The following BANF2 variants were observed in gnomAD, a reference collection of about 807,000 sequenced individuals.
BANF2 encodes the protein barrier-to-autointegration factor-like protein.
A neutral mutation model predicts 8.0 loss-of-function variants in BANF2; 4 were observed. The ratio of observed to expected loss-of-function variants is 0.50; its 90% confidence interval spans 0.25 to 1.14. The LOEUF is 1.14. BANF2 is among the 50% of genes most tolerant of loss of function. The pLI is 0.16. For missense variants in BANF2, 96 were observed against 107.5 expected (o/e 0.89, Z 0.47); for synonymous variants, 50 against 40.6 (o/e 1.23, Z -0.88).
intron 1 of BANF2, among the ~76,000 whole-genome samples, chr20:17,714,224 A>G (rs1419541546): frequency 1.7e-4 from 26 of 151,548 alleles, no homozygotes; most frequent in African/African-American, 6.3e-4. Flanking sequence ...AGAAAGAAAG[A>G]AAGAAAAAGA....
At chr20:17,710,353 G>A (rs2037550828) in intron 1 of BANF2, among the ~76,000 whole-genome samples, 1 of 152,194 alleles carries the variant, frequency 6.6e-6, no homozygotes, top group African/African-American at 2.4e-5. Flanking sequence ...GCTCATCACT[G>A]CCTTTTACTA....
chr20:17,697,147 A>G (rs562088221), upstream of BANF2, among the ~76,000 whole-genome samples: 1 of 152,264 alleles, frequency 6.6e-6, no homozygotes, highest in Non-Finnish European at 1.5e-5. Flanking sequence ...GCCAGCAGAT[A>G]TCCCTAGCGA....
chr20:17,727,937 T>A (rs909779760), intron 3 of BANF2, among the ~76,000 whole-genome samples: 1 of 152,138 alleles, frequency 6.6e-6, no homozygotes, highest in African/African-American at 2.4e-5. Flanking sequence ...GACACAGTTT[T>A]GCCATGTTGT....
intron 1 of BANF2, among the ~76,000 whole-genome samples, chr20:17,709,075 GCTTTGAAT>G (rs567734503): frequency 6.6e-5 from 10 of 152,240 alleles, no homozygotes; most frequent in African/African-American, 9.6e-5. Flanking sequence ...TGAGAATGTG[GCTTTGAAT>G]GGAGACAAAT....
At position 17,721,035 on chromosome 20, in the gene BANF2, A is replaced by G. The variant is rs1490797792; in HGVS notation, c.-166-1681A>G. On this transcript the variant is annotated intron_variant, in intron 1 of 3. Transcript: ENST00000246090. ...TCAACTTTGAGAAGTGCTAGTTGTA[A>G]TGAACCAAACATTAGACCAGGGTTT... 4.3e-4 allele frequency among the ~76,000 whole-genome samples: 65 copies of G among 152,212 alleles called. 1 individual carries two copies. The highest frequency in any genetic ancestry group is 2.9e-5 in the Non-Finnish European group (2 of 68,038).
chr20:17,703,679 A>G lies in BANF2; in HGVS notation c.-167+3624A>G, dbSNP rs563414466. Among the ~76,000 whole-genome samples the G allele has an allele frequency of 2.5e-4, 38 of 150,412 alleles. No homozygotes were observed. In the South Asian group the frequency reaches 8.0e-3, roughly 32 times the overall value. ...GGGACTTTTGGGCTCTCCAAGAAAC[A>G]TCTCTATGCGGTTTGTCTGGGTTTT... is the stretch of plus-strand genomic sequence containing the variant. On this transcript the variant is annotated intron_variant, in intron 1 of 3. Transcript: ENST00000246090.
At chr20:17,728,054 G>A (rs1294397782) in intron 3 of BANF2, among the ~76,000 whole-genome samples, 1 of 152,122 alleles carries the variant, frequency 6.6e-6, no homozygotes, top group East Asian at 1.9e-4. Flanking sequence ...TTGCCTGCAG[G>A]ATACATAATC....
chr20:17,720,884 G>A (rs2037718265), intron 1 of BANF2, among the ~76,000 whole-genome samples: 1 of 152,236 alleles, frequency 6.6e-6, no homozygotes, highest in Admixed American at 6.5e-5. Context: ...AGTGAGGTCT[G>A]TGGGCCAGCA....
upstream of BANF2, among the ~76,000 whole-genome samples, chr20:17,699,116 A>C (rs1416500455): frequency 6.6e-6 from 1 of 152,170 alleles, no homozygotes; most frequent in East Asian, 1.9e-4. Context: ...GGTCATTCTA[A>C]TGCAACCTAC....
intron 3 of BANF2, among the ~76,000 whole-genome samples, chr20:17,725,359 G>C (rs1310483438): frequency 6.6e-6 from 1 of 152,256 alleles, no homozygotes; most frequent in East Asian, 1.9e-4. Flanking sequence ...CATACACATA[G>C]AATGGCTTCA....
chr20:17,730,629 TC>T (rs1206332790), intron 3 of BANF2, among the ~76,000 whole-genome samples: 3 of 152,138 alleles, frequency 2.0e-5, no homozygotes, highest in African/African-American at 7.2e-5. Context: ...ATCTCCTCCC[TC>T]CGTTACTTCG....
At chr20:17,693,841 C>T (rs2037319750) in intron 1 of BANF2, 29 of 1,047,878 alleles carry the variant, frequency 2.8e-5, no homozygotes, top group Non-Finnish European at 3.7e-5. Flanking sequence ...GAATTCTTTT[C>T]GGAACGTGTC....
intron 1 of BANF2, among the ~76,000 whole-genome samples, chr20:17,702,502 A>T (rs3736799): frequency 6.6e-6 from 1 of 152,218 alleles, no homozygotes; most frequent in African/African-American, 2.4e-5. Flanking sequence ...GGGAGCCCCA[A>T]CTGGCAACTT....
intron 1 of BANF2, among the ~76,000 whole-genome samples, chr20:17,707,738 C>T (rs2037504319): frequency 6.6e-6 from 1 of 151,902 alleles, no homozygotes; most frequent in African/African-American, 2.4e-5. Flanking sequence ...TGCCACCACA[C>T]CCGGCTAATT....
intron 1 of BANF2, among the ~76,000 whole-genome samples, chr20:17,711,681 T>C (rs1253129968): frequency 6.6e-6 from 1 of 152,178 alleles, no homozygotes; most frequent in African/African-American, 2.4e-5. Context: ...AAGCCATTAG[T>C]TGCTCTTAGG....
chr20:17,725,193 C>G, intron 3 of BANF2, 42 bp downstream of exon 3: 1 of 1,580,046 alleles, frequency 6.3e-7, no homozygotes, highest in Non-Finnish European at 8.7e-7. Context: ...TCTTCCCTAC[C>G]TTTCTTCCCC....
chr20:17,730,624 C>T (rs981085428), intron 3 of BANF2, among the ~76,000 whole-genome samples: 3 of 152,246 alleles, frequency 2.0e-5, no homozygotes, highest in African/African-American at 4.8e-5. Context: ...GTCCCATCTC[C>T]TCCCTCCGTT....
At chr20:17,732,554 A>G (rs1188563598) in intron 3 of BANF2, among the ~76,000 whole-genome samples, 2 of 152,112 alleles carry the variant, frequency 1.3e-5, no homozygotes, top group Non-Finnish European at 2.9e-5. Context: ...ATGGGGTTTC[A>G]CTATGTTGGC....
At chr20:17,730,998 C>G (rs908571658) in intron 3 of BANF2, among the ~76,000 whole-genome samples, 2 of 152,172 alleles carry the variant, frequency 1.3e-5, no homozygotes, top group Non-Finnish European at 2.9e-5. Context: ...GAGTTTAAGC[C>G]GGGCGTGGTA....
Sources: allele counts gnomAD v4.1 joint callset (sites outside exome capture counted in the v4.1 genomes callset), GRCh38; gene constraint gnomAD v4.1.1; transcripts MANE v1.5; gene names NCBI Gene and HGNC (gene_info 2026-07-23, HGNC 2026-07-21).